Variants in NT5DC1 observed in about 807,000 individuals in gnomAD.
NT5DC1 encodes the protein 5'-nucleotidase domain-containing protein 1.
NT5DC1 carries 42 observed loss-of-function variants against 59.4 expected under a neutral mutation model. The observed-to-expected ratio is 0.71, with a 90% confidence interval of 0.55 to 0.92. NT5DC1 has a LOEUF of 0.92. Ranked by LOEUF, NT5DC1 falls within the 40% of genes least tolerant of loss-of-function variation. The pLI is 0.00. For synonymous variants in NT5DC1, 172 were observed against 188.1 expected, an observed-to-expected ratio of 0.91 and a Z score of 0.70; for missense variants, 501 against 537.1, an observed-to-expected ratio of 0.93 and a Z score of 0.66.
chr6:116,102,374 G>A (rs1333241271), intron 1 of NT5DC1, among the ~76,000 whole-genome samples: 1 of 152,146 alleles, frequency 6.6e-6, no homozygotes, highest in East Asian at 1.9e-4. Flanking sequence ...TACCTTACAG[G>A]TCTGGTTTCC....
intron 6 of NT5DC1, among the ~76,000 whole-genome samples, chr6:116,175,125 T>A (rs1389009254): frequency 6.6e-6 from 1 of 152,182 alleles, no homozygotes; most frequent in East Asian, 1.9e-4. Flanking sequence ...AAAATATGTA[T>A]ATTTTGTATA....
intron 11 of NT5DC1, among the ~76,000 whole-genome samples, chr6:116,239,592 A>G (rs1782185775): frequency 6.6e-6 from 1 of 152,226 alleles, no homozygotes; most frequent in Admixed American, 6.5e-5. Context: ...GCTTTACTTT[A>G]GAATAAGGAT....
chr6:116,165,852 A>G (rs1780450309), intron 6 of NT5DC1, among the ~76,000 whole-genome samples: 1 of 152,324 alleles, frequency 6.6e-6, no homozygotes, highest in Admixed American at 6.5e-5. Context: ...TTTGCAGGGT[A>G]CTGGTGATTG....
At chr6:116,165,458 C>A (rs1018636526) in intron 6 of NT5DC1, among the ~76,000 whole-genome samples, 2 of 152,198 alleles carry the variant, frequency 1.3e-5, no homozygotes, top group South Asian at 4.1e-4. Flanking sequence ...CTTCTTCTTT[C>A]TCAGGAATAC....
At chr6:116,121,926 G>A in intron 6 of NT5DC1, 1 of 1,613,564 alleles carries the variant, frequency 6.2e-7, no homozygotes, top group Non-Finnish European at 8.5e-7. Context: ...GGGCCTGGTG[G>A]ACCAGGAGTA....
At chr6:116,198,076 G>A (rs1470638374) in intron 6 of NT5DC1, among the ~76,000 whole-genome samples, 1 of 152,016 alleles carries the variant, frequency 6.6e-6, no homozygotes, top group African/African-American at 2.4e-5. Flanking sequence ...AATCTTCCAA[G>A]AGAGATCCTG....
intron 6 of NT5DC1, among the ~76,000 whole-genome samples, chr6:116,146,108 T>A (rs1034255618): frequency 6.6e-6 from 1 of 152,224 alleles, no homozygotes; most frequent in Non-Finnish European, 1.5e-5. Context: ...TTGATTATGG[T>A]TACAGTTAAT....
At chr6:116,126,417 G>A (rs959745505) in intron 6 of NT5DC1, among the ~76,000 whole-genome samples, 1 of 152,016 alleles carries the variant, frequency 6.6e-6, no homozygotes, top group Non-Finnish European at 1.5e-5. Context: ...GTTCACGGTG[G>A]AATGATGATA....
At position 116,245,311 on chromosome 6, in the gene NT5DC1, T is replaced by C. The variant is rs1030713114; in HGVS notation, c.*1287T>C. On this transcript the variant is annotated 3_prime_UTR_variant, in exon 12 of 12. Coordinates refer to ENST00000319550, the MANE Select transcript of NT5DC1 (RefSeq NM_152729.3). ...AAACACACTGGTTTTCACTATCTGG[T>C]TTACAAACACTATCATTATTTTACC... 6 of 152,522 alleles carry C rather than the reference T, an allele frequency of 3.9e-5. No individual in the cohort carries two copies. Among genetic ancestry groups the C allele is most frequent in the African/African-American group, 1.2e-4 (5 of 41,440 alleles). The allele number at this position is 152,522 out of a possible 1,614,324, so 9.4% of individuals were successfully genotyped here.
intron 6 of NT5DC1, among the ~76,000 whole-genome samples, chr6:116,147,298 T>C (rs528142008): frequency 9.0e-4 from 137 of 151,896 alleles, no homozygotes; most frequent in African/African-American, 3.3e-3. Flanking sequence ...AAAAAGTAGC[T>C]GGGCGTGGTG....
chr6:116,209,902 T>G (rs1031780784), intron 6 of NT5DC1, among the ~76,000 whole-genome samples: 2 of 152,018 alleles, frequency 1.3e-5, no homozygotes, highest in East Asian at 3.9e-4. Context: ...CTTTAACAGA[T>G]AATGGTCATC....
rs190947986 is a variant in NT5DC1 at position 116,194,662 on chromosome 6, A to T, written c.530-26392A>T. On this transcript the variant is annotated intron_variant, in intron 6 of 11. Coordinates refer to ENST00000319550, the MANE Select transcript of NT5DC1 (RefSeq NM_152729.3). ...TCTCTTTATTTCTTAATGGGAAGTC[A>T]GTAGATGTTGTTTATGGCTTATGAA... is the stretch of plus-strand genomic sequence containing the variant. Among the ~76,000 whole-genome samples, 246 of 152,198 alleles carry T rather than the reference A, an allele frequency of 1.6e-3. 2 individuals are homozygous for T. Among genetic ancestry groups the T allele is most frequent in the African/African-American group, 5.6e-3 (233 of 41,560 alleles).
chr6:116,165,091 C>T (rs915129479), intron 6 of NT5DC1, among the ~76,000 whole-genome samples: 5 of 85,154 alleles, frequency 5.9e-5, no homozygotes, highest in African/African-American at 1.4e-4. Flanking sequence ...AGCGAGACTC[C>T]GTCTCAGAAA....
At position 116,223,130 on chromosome 6, in the gene NT5DC1, C is replaced by A. The variant is rs760416729; in HGVS notation, c.801C>A (p.Leu267=). ...CAAGTCAGAGACCTTTCCGGACACT[C>A]GGTAAGTTACATTTGGTTTCTTTCT... ...HLPSQRPFRT[L]ENDEEQEALP... is the part of the protein sequence containing the mutation. The change falls in exon 8 of 12, where the codon CTC becomes CTA. Residue 267 remains leucine (L), a splice_region_variant and synonymous_variant. Transcript: ENST00000319550. The A allele has an allele frequency of 6.5e-7, 1 of 1,541,506 alleles. No homozygotes were observed. The highest frequency in any genetic ancestry group is 1.1e-5 in the South Asian group (1 of 88,998).
chr6:116,190,247 T>A (rs1053100350), intron 6 of NT5DC1, among the ~76,000 whole-genome samples: 4 of 152,032 alleles, frequency 2.6e-5, no homozygotes, highest in Admixed American at 6.6e-5. Context: ...CAAAACAGTA[T>A]TTTTTAAATT....
At chr6:116,187,364 G>T (rs1781022901) in intron 6 of NT5DC1, among the ~76,000 whole-genome samples, 1 of 152,022 alleles carries the variant, frequency 6.6e-6, no homozygotes, top group African/African-American at 2.4e-5. Flanking sequence ...TGAAGCTCAT[G>T]CCACAATTTA....
chr6:116,136,812 C>T (rs1274435848), intron 6 of NT5DC1, among the ~76,000 whole-genome samples: 3 of 152,078 alleles, frequency 2.0e-5, no homozygotes, highest in Admixed American at 1.3e-4. Context: ...AACAAGAAGC[C>T]CTCAGATTCA....
chr6:116,187,696 G>A (rs1488619100), intron 6 of NT5DC1, among the ~76,000 whole-genome samples: 1 of 151,914 alleles, frequency 6.6e-6, no homozygotes, highest in African/African-American at 2.4e-5. Context: ...TCACATATTA[G>A]ACAAAAATCA....
intron 6 of NT5DC1, among the ~76,000 whole-genome samples, chr6:116,164,121 G>A (rs1047478404): frequency 1.3e-5 from 2 of 152,120 alleles, no homozygotes; most frequent in African/African-American, 2.4e-5. Flanking sequence ...GGCAGAGCCC[G>A]TTTTAAGTCA....
Sources: gnomAD v4.1 joint callset for allele counts (sites outside exome capture counted in the v4.1 genomes callset) on GRCh38, gnomAD v4.1.1 for gene constraint, MANE v1.5 for transcripts, NCBI Gene and HGNC (gene_info 2026-07-23, HGNC 2026-07-21) for gene names.